ODF2: variants seen among roughly 807,000 people sequenced by gnomAD.
ODF2 encodes the protein outer dense fiber protein 2.
ODF2 carries 47 observed loss-of-function variants against 110.2 expected under a neutral mutation model. The ratio of observed to expected loss-of-function variants is 0.43; its 90% CI spans 0.34 to 0.54. The LOEUF (loss-of-function observed/expected upper bound fraction) is 0.54. ODF2 is among the 20% of genes least tolerant of loss of function. ODF2 has a pLI of 0.03. For missense variants in ODF2, 812 were observed against 1,054.5 expected (o/e 0.77, Z 3.19); for synonymous variants, 352 against 397.7 (o/e 0.89, Z 1.37).
chr9:128,456,811 C>T (rs1173529342), intron 1 of ODF2: 30 of 1,151,434 alleles, frequency 2.6e-5, no homozygotes, highest in Non-Finnish European at 3.4e-5. Flanking sequence ...CTGCTCAGAA[C>T]TCTGTTCGGT....
intron 11 of ODF2, 66 bp from the exon 12 acceptor site, chr9:128,484,635 G>A (rs1843032660): frequency 6.6e-7 from 1 of 1,510,944 alleles, no homozygotes; most frequent in African/African-American, 1.4e-5. Flanking sequence ...TTCACCCTCT[G>A]CTTTGCCTTC....
intron 4 of ODF2, among the ~76,000 whole-genome samples, chr9:128,463,901 G>A (rs2131552922): frequency 6.6e-6 from 1 of 152,130 alleles, no homozygotes; most frequent in Non-Finnish European, 1.5e-5. Context: ...CTGGAGTGCA[G>A]TGACGCAATC....
intron 10 of ODF2, 147 bp from the exon 11 acceptor site, chr9:128,483,791 C>CG: frequency 1.5e-6 from 1 of 671,012 alleles, no homozygotes; most frequent in Non-Finnish European, 2.7e-6. Context: ...GAGGCTGAGG[C>CG]GGGAGAATCG....
At chr9:128,459,539 A>G in intron 2 of ODF2, 28 bp from the exon 2 acceptor site, 1 of 1,578,444 alleles carries the variant, frequency 6.3e-7, no homozygotes, top group South Asian at 1.1e-5. Flanking sequence ...TTTTCTGCTT[A>G]CAATCTGGTT....
intron 18 of ODF2, chr9:128,497,441 AAAAAAATATATATATATATATATATAT>A (rs1281769204): frequency 1.1e-5 from 1 of 90,872 alleles, no homozygotes; most frequent in Non-Finnish European, 1.9e-5. Context: ...AAAAAAAAAA[AAAAAAATATATATATATATATATATAT>A]ATATATATAT....
chr9:128,456,117 G>C, upstream of ODF2: 6 of 1,547,520 alleles, frequency 3.9e-6, no homozygotes, highest in Non-Finnish European at 5.2e-6. Flanking sequence ...ACCGGGTGTC[G>C]GAAAAGGAGG....
chr9:128,481,634 G>C (rs773623516), exon 9 of ODF2: 1 of 1,613,910 alleles, frequency 6.2e-7, no homozygotes, highest in South Asian at 1.1e-5. Flanking sequence ...GCTGGCGGAG[G>C]CCGACTCAGA....
chr9:128,463,201 G>A (rs541419913), intron 4 of ODF2, among the ~76,000 whole-genome samples: 5 of 152,304 alleles, frequency 3.3e-5, no homozygotes, highest in African/African-American at 1.2e-4. Flanking sequence ...GGTTAAGGCT[G>A]CAGTGAGCCA....
At chr9:128,481,727 G>A in intron 9 of ODF2, 76 bp downstream of exon 9, 1 of 1,213,298 alleles carries the variant, frequency 8.2e-7, no homozygotes, top group Non-Finnish European at 1.2e-6. Flanking sequence ...GTGTAGAGGT[G>A]CTTGGATCAA....
In ODF2 at chr9:128,472,811, C is replaced by T. The variant is rs564895731; in HGVS notation, c.582-102C>T. The T allele has an allele frequency of 1.8e-5, 28 of 1,551,738 alleles. No homozygotes were observed. The African/African-American group carries it at 3.5e-4, about 20-fold the overall frequency. ...GTCCCTGCCCCCTCCCCTACTTTTCCCTGACCAGAGGTGAGCCCCCTAGGG... is the reference window on the plus strand; with the variant it reads ...GTCCCTGCCCCCTCCCCTACTTTTCTCTGACCAGAGGTGAGCCCCCTAGGG... On this transcript the variant is annotated intron_variant, in intron 6 of 20. Transcript: ENST00000604420.
chr9:128,467,822 T>TA (rs1838672278), intron 4 of ODF2, among the ~76,000 whole-genome samples: 1 of 152,000 alleles, frequency 6.6e-6, no homozygotes, highest in South Asian at 2.1e-4. Context: ...TTAAAATATT[T>TA]AAAAAAATAT....
intron 4 of ODF2, among the ~76,000 whole-genome samples, chr9:128,463,443 A>G (rs531013571): frequency 3.9e-5 from 6 of 152,258 alleles, no homozygotes; most frequent in African/African-American, 1.4e-4. Flanking sequence ...ACACGACGAG[A>G]CCCTGCCTCT....
At chr9:128,496,873 G>A (rs143995258) in intron 18 of ODF2, among the ~76,000 whole-genome samples, 1,760 of 152,206 alleles carry the variant, frequency 0.012, 10 homozygotes, top group Non-Finnish European at 0.016. Context: ...GACTACAGGC[G>A]TATGCCACCA....
chr9:128,456,123 G>A, upstream of ODF2: 1 of 1,547,886 alleles, frequency 6.5e-7, no homozygotes, highest in Middle Eastern at 1.7e-4. Flanking sequence ...TGTCGGAAAA[G>A]GAGGCGGAAG....
intron 8 of ODF2, among the ~76,000 whole-genome samples, chr9:128,480,609 G>A (rs556534980): frequency 6.6e-6 from 1 of 152,312 alleles, no homozygotes; most frequent in East Asian, 1.9e-4. Flanking sequence ...CTGAGGTCAG[G>A]AGTTTGAGAC....
At chr9:128,460,325 G>A (rs1187691445) in intron 3 of ODF2, 68 of 1,428,786 alleles carry the variant, frequency 4.8e-5, no homozygotes, top group Non-Finnish European at 6.0e-5. Context: ...CCTCTCTTGA[G>A]TGGACCAGAA....
chr9:128,499,036 G>A lies in ODF2; in HGVS notation c.2211G>A (p.Glu737=), dbSNP rs755695815. Reference sequence around the variant, plus strand: ...CCAAGGAGCACGCACTCTCCAAGGAGCGAGCAGCCCAGAACAAAATCCTGG... The same window carrying A: ...CCAAGGAGCACGCACTCTCCAAGGAACGAGCAGCCCAGAACAAAATCCTGG... The change falls in exon 20 of 21, where the codon GAG becomes GAA. Residue 737 remains glutamate, a synonymous_variant. Transcript: ENST00000604420. The A allele has an allele frequency of 2.2e-5, 36 of 1,614,086 alleles. No homozygotes were observed. The highest frequency in any genetic ancestry group is 2.9e-5 in the Non-Finnish European group (34 of 1,180,022).
At chr9:128,455,875 G>A (rs1024305885), upstream of ODF2, 92 of 1,108,358 alleles carry the variant, frequency 8.3e-5, no homozygotes, top group Non-Finnish European at 1.0e-4. Flanking sequence ...AATCCGGGAG[G>A]ATCCAAGGCA....
At chr9:128,499,970 C>T (rs907089838) in intron 20 of ODF2, 97 bp from the exon 21 acceptor site, 16 of 1,380,264 alleles carry the variant, frequency 1.2e-5, no homozygotes, top group Non-Finnish European at 1.6e-5. Flanking sequence ...CTCGCCTCCC[C>T]AAACCTCCTG....
Sources: allele counts gnomAD v4.1 joint callset (sites outside exome capture counted in the v4.1 genomes callset), GRCh38; gene constraint gnomAD v4.1.1; transcripts MANE v1.5; gene names NCBI Gene and HGNC (gene_info 2026-07-23, HGNC 2026-07-21).